SEC16A: variants seen among roughly 807,000 people sequenced by gnomAD.
SEC16A encodes the protein protein transport protein Sec16A.
A neutral mutation model predicts 221.9 loss-of-function variants in SEC16A; 110 were observed. That is an observed-to-expected ratio of 0.50 (90% CI 0.42 to 0.58). The LOEUF is 0.58. Ranked by LOEUF, SEC16A falls within the 20% of genes least tolerant of loss-of-function variation. The probability of loss-of-function intolerance (pLI) is 0.00; values close to 1 mark genes in which losing one functional copy is unlikely to be tolerated. For missense variants in SEC16A, 3,165 were observed against 3,097.8 expected (o/e 1.02, Z -0.52); for synonymous variants, 1,393 against 1,257.7 (o/e 1.11, Z -2.28).
rs180868261 is a variant in SEC16A at position 136,476,000 on chromosome 9, G to T, written c.1616C>A (p.Pro539His). The change falls in exon 3 of 32, where the codon CCC (proline) becomes CAC (histidine). Residue 539 changes from proline (P) to histidine (H), a missense_variant. Pro to His is a moderately conservative substitution (Grantham distance 77). Around this residue, in one of 3 missense-constraint regions of SEC16A, gnomAD observed 2,030 missense variants for 1,923.1 expected, o/e 1.06. Transcript: ENST00000684901. This position sits in a 1 kb window ranked among gnomAD's most constrained non-coding sequence, Gnocchi z 5.0. ...SHGRLSGSAR[P>H]QELVGTFIQQ... The stretch of plus-strand genomic sequence containing the variant: ...AATGAATGTGCCAACCAGCTCCTGG[G>T]GCCTGGCTGAGCCTGAGAGCCTTCC... 5.8e-5 allele frequency: 94 copies of T among 1,613,338 alleles called. No individual in the cohort carries two copies. In the African/African-American group the frequency reaches 1.2e-3, roughly 21 times the overall value.
intron 3 of SEC16A, 33 bp downstream of exon 3, chr9:136,474,016 A>G (rs1416077005): frequency 2.6e-6 from 4 of 1,560,074 alleles, no homozygotes; most frequent in Non-Finnish European, 2.6e-6. Context: ...GCACAGACAG[A>G]AAAGTGGGTT....
intron 13 of SEC16A, among the ~76,000 whole-genome samples, chr9:136,460,869 C>T (rs771755472): frequency 6.6e-6 from 1 of 151,982 alleles, no homozygotes; most frequent in Non-Finnish European, 1.5e-5. Flanking sequence ...GCTGAGATCG[C>T]GCCCCTGCAC....
In SEC16A at chr9:136,474,708, C is replaced by T; in HGVS notation, c.2908G>A (p.Ala970Thr). ...GSTSVVLVPP[A>T]HGTLVPDGNK... is the part of the protein sequence containing the mutation. Reference sequence around the variant, plus strand: ...CCATCAGGCACCAGGGTGCCGTGTGCAGGTGGAACTAACACCACACTTGTG... The same window carrying T: ...CCATCAGGCACCAGGGTGCCGTGTGTAGGTGGAACTAACACCACACTTGTG... Residue 970 changes from alanine to threonine, a missense_variant, in exon 3 of 32, where the codon GCA (alanine) becomes ACA (threonine). Around this residue, in one of 3 missense-constraint regions of SEC16A, gnomAD observed 2,030 missense variants for 1,923.1 expected, o/e 1.06. Coordinates refer to ENST00000684901, the MANE Select transcript of SEC16A (RefSeq NM_014866.2). 1 of 1,613,846 alleles carries T rather than the reference C, an allele frequency of 6.2e-7. No homozygotes were observed. Among genetic ancestry groups the T allele is most frequent in the South Asian group, 1.1e-5 (1 of 91,088 alleles).
chr9:136,484,689 A>C (rs893094314), upstream of SEC16A: 2 of 1,366,340 alleles, frequency 1.5e-6, no homozygotes, highest in African/African-American at 3.0e-5. Flanking sequence ...GCAGGGCCGC[A>C]GGCGGTGCAG....
At position 136,447,392 on chromosome 9, in the gene SEC16A, G is replaced by A; in HGVS notation, c.6560-28C>T. ...GCAAAGGGGAGGGAAGCAAATTGAG[G>A]TGAACGCGCCAGGTGGCCTCCAGCT... On this transcript the variant is annotated intron_variant, in intron 26 of 31. Coordinates refer to ENST00000684901, the MANE Select transcript of SEC16A (RefSeq NM_014866.2). The surrounding 1 kb of genome is among the most constrained non-coding windows in gnomAD (Gnocchi z 5.5). 1.9e-6 allele frequency: 3 copies of A among 1,591,286 alleles called. No individual in the cohort carries two copies.
upstream of SEC16A, chr9:136,483,455 C>CCCGG: frequency 1.3e-6 from 1 of 761,548 alleles, no homozygotes; most frequent in Non-Finnish European, 1.6e-6. Context: ...CGCCCCTCGG[C>CCCGG]CGTCCTTCCC....
intron 20 of SEC16A, among the ~76,000 whole-genome samples, chr9:136,454,857 C>T (rs1036920486): frequency 6.6e-5 from 10 of 152,188 alleles, no homozygotes; most frequent in African/African-American, 1.7e-4. Context: ...GAAGTGGTAA[C>T]GGTGTCTGAG....
At position 136,476,079 on chromosome 9, in the gene SEC16A, G is replaced by A. The variant is rs777200678; in HGVS notation, c.1537C>T (p.Leu513=). 6.2e-7 allele frequency: 1 copy of A among 1,613,636 alleles called. No individual in the cohort carries two copies. Among genetic ancestry groups the A allele is most frequent in the Non-Finnish European group, 8.5e-7 (1 of 1,179,882 alleles). Reference sequence around the variant, plus strand: ...ACGCTGTCAGGGTGCACTGTATGCAGTGTGGCATCAGGGGCTCCGGTGTGG... The same window carrying A: ...ACGCTGTCAGGGTGCACTGTATGCAATGTGGCATCAGGGGCTCCGGTGTGG... ...VCHTGAPDAT[L]HTVHPDSVSS... The change falls in exon 3 of 32, where the codon CTG becomes TTG. Residue 513 remains leucine, a synonymous_variant. Transcript: ENST00000684901.
chr9:136,457,771 C>T (rs1405493287), intron 17 of SEC16A, among the ~76,000 whole-genome samples, 187 bp from the exon 18 acceptor site: 1 of 152,240 alleles, frequency 6.6e-6, no homozygotes, highest in East Asian at 1.9e-4. Flanking sequence ...GTCCTAGTCC[C>T]TGTTCCCCAA....
At chr9:136,470,797 G>A (rs1840750245) in intron 4 of SEC16A, among the ~76,000 whole-genome samples, 2 of 152,228 alleles carry the variant, frequency 1.3e-5, no homozygotes, top group African/African-American at 2.4e-5. Context: ...ACAAGTGCAG[G>A]TACAAAGTCT....
chr9:136,470,975 G>A (rs1218332474), intron 4 of SEC16A, among the ~76,000 whole-genome samples: 2 of 152,080 alleles, frequency 1.3e-5, no homozygotes, highest in African/African-American at 2.4e-5. Context: ...CCCACCCCTC[G>A]CAGGGCTCTG....
At position 136,446,852 on chromosome 9, in the gene SEC16A, C is replaced by T; in HGVS notation, c.6792+3G>A. 6.3e-7 allele frequency: 1 copy of T among 1,598,124 alleles called. No homozygotes were observed. Among genetic ancestry groups the T allele is most frequent in the Non-Finnish European group, 8.5e-7 (1 of 1,174,224 alleles). Reference sequence around the variant, plus strand: ...TTTCCCCTTTCCCACCGTACCCGCTCACCTTGGGCTCTGGGGCAGGCTCTG... The same window carrying T: ...TTTCCCCTTTCCCACCGTACCCGCTTACCTTGGGCTCTGGGGCAGGCTCTG... On this transcript the variant is annotated splice_donor_region_variant and intron_variant, in intron 28 of 31. Transcript: ENST00000684901.
chr9:136,444,969 G>C, intron 30 of SEC16A, 83 bp downstream of exon 30: 10 of 1,225,312 alleles, frequency 8.2e-6, no homozygotes, highest in Non-Finnish European at 1.2e-5. Context: ...CAAAGCGCAC[G>C]TGGCGAACCG....
At chr9:136,455,512 G>T (rs1418025521) in intron 20 of SEC16A, 89 bp downstream of exon 20, 3 of 1,281,060 alleles carry the variant, frequency 2.3e-6, no homozygotes, top group Non-Finnish European at 3.2e-6. Flanking sequence ...TCTGAAAGCA[G>T]TTCTCCAGGA....
In SEC16A at chr9:136,467,088, G is replaced by A; in HGVS notation, c.3803-5C>T. On this transcript the variant is annotated splice_polypyrimidine_tract_variant and splice_region_variant and intron_variant, in intron 5 of 31. Transcript: ENST00000684901. ...AACGATCCCAGTGACCTGGATCTGTGAGCAAGGAATTAATGATTAATACAG... is the reference window on the plus strand; with the variant it reads ...AACGATCCCAGTGACCTGGATCTGTAAGCAAGGAATTAATGATTAATACAG... 6.2e-7 allele frequency: 1 copy of A among 1,613,694 alleles called. No individual in the cohort carries two copies.
intron 29 of SEC16A, 137 bp from the exon 30 acceptor site, chr9:136,445,248 G>T: frequency 2.7e-6 from 2 of 739,646 alleles, no homozygotes; most frequent in Non-Finnish European, 4.6e-6. Flanking sequence ...GGAAAAAAAA[G>T]CCAGTGTTAG....
chr9:136,474,286 C>G lies in SEC16A; in HGVS notation c.3330G>C (p.Gln1110His). The change falls in exon 3 of 32, where the codon CAG (glutamine) becomes CAC (histidine). Residue 1110 changes from glutamine (Q) to histidine (H), a missense_variant. Around this residue, in one of 3 missense-constraint regions of SEC16A, gnomAD observed 2,030 missense variants for 1,923.1 expected, o/e 1.06. Transcript: ENST00000684901. ...PASLVLVDAG[Q>H]QLPPRPPQSS... ...ACTGAGGAGGCCGAGGGGGCAGCTG[C>G]TGACCCGCGTCGACCAGAACCAGAC... 1 of 1,608,356 alleles carries G rather than the reference C, an allele frequency of 6.2e-7. No homozygotes were observed. The highest frequency in any genetic ancestry group is 1.1e-5 in the South Asian group (1 of 90,480).
intron 1 of SEC16A, among the ~76,000 whole-genome samples, 180 bp downstream of exon 1, chr9:136,482,758 G>T (rs1842561414): frequency 1.4e-5 from 2 of 147,872 alleles, no homozygotes; most frequent in Admixed American, 6.6e-5. Flanking sequence ...CTCTGGCCCG[G>T]GGGCCCGGAC....
intron 3 of SEC16A, among the ~76,000 whole-genome samples, chr9:136,473,846 G>A (rs2132819686): frequency 6.6e-6 from 1 of 152,362 alleles, no homozygotes; most frequent in Middle Eastern, 3.4e-3. Context: ...AACTAAGGGT[G>A]GCCTGTGCTT....
Sources: allele counts gnomAD v4.1 joint callset (sites outside exome capture counted in the v4.1 genomes callset), GRCh38; gene constraint gnomAD v4.1.1; regional missense constraint gnomAD v4.1.1; non-coding constraint Gnocchi (gnomAD v3.1); transcripts MANE v1.5; gene names NCBI Gene and HGNC (gene_info 2026-07-23, HGNC 2026-07-21).